Variants in SUGP1 observed in about 807,000 individuals in gnomAD.
The protein encoded by SUGP1 is SURP and G-patch domain-containing protein 1.
Under a neutral mutation model 76.5 loss-of-function variants are expected in SUGP1, and 34 were observed. That is an observed-to-expected ratio of 0.44 (90% CI 0.34 to 0.59). The LOEUF is 0.59. Ranked by LOEUF, SUGP1 falls within the 20% of genes least tolerant of loss-of-function variation. The probability of loss-of-function intolerance (pLI) is 0.01; values close to 1 mark genes in which losing one functional copy is unlikely to be tolerated. For missense variants in SUGP1, 752 were observed against 851.7 expected (o/e 0.88, Z 1.46); for synonymous variants, 326 against 326.2 (o/e 1.00, Z 0.01).
intron 3 of SUGP1, 140 bp from the exon 4 acceptor site, chr19:19,306,216 G>A: frequency 1.3e-6 from 1 of 741,196 alleles, no homozygotes; most frequent in Non-Finnish European, 2.1e-6. Context: ...AGGCCACCCT[G>A]ATTTTACAGA....
At chr19:19,316,294 C>A (rs1599874238) in intron 2 of SUGP1, 128 bp downstream of exon 2, 1 of 1,207,908 alleles carries the variant, frequency 8.3e-7, no homozygotes, top group East Asian at 2.5e-5. Flanking sequence ...GCATCTGGGT[C>A]ATTCCTTGGA....
chr19:19,305,442 GAC>G (rs1228727818), intron 4 of SUGP1, among the ~76,000 whole-genome samples: 1 of 152,228 alleles, frequency 6.6e-6, no homozygotes, highest in Admixed American at 6.5e-5. Flanking sequence ...AAACTCAGGG[GAC>G]AGGTAACCCA....
chr19:19,277,510 G>A (rs573702195), intron 12 of SUGP1, among the ~76,000 whole-genome samples: 4 of 152,300 alleles, frequency 2.6e-5, no homozygotes, highest in African/African-American at 9.6e-5. Context: ...CTGGCCTGGA[G>A]ATACTCATGA....
chr19:19,278,552 G>A, intron 11 of SUGP1, 138 bp downstream of exon 11: 1 of 679,532 alleles, frequency 1.5e-6, no homozygotes, highest in Non-Finnish European at 2.6e-6. Context: ...ATTAACAGAT[G>A]CCTCCTGCAG....
At chr19:19,277,104 G>A (rs2061056519) in intron 12 of SUGP1, 28 bp from the exon 13 acceptor site, 1 of 1,596,510 alleles carries the variant, frequency 6.3e-7, no homozygotes, top group African/African-American at 1.3e-5. Context: ...TGTGAGCAGG[G>A]ACCTGGGGCC....
intron 8 of SUGP1, among the ~76,000 whole-genome samples, chr19:19,285,564 TATTTA>T (rs1342663226): frequency 6.6e-6 from 1 of 152,116 alleles, no homozygotes; most frequent in Non-Finnish European, 1.5e-5. Context: ...AGAATTCATT[TATTTA>T]TTTCTGTTTG....
In SUGP1 at chr19:19,303,402, T is replaced by C. The variant is rs749876599; in HGVS notation, c.709A>G (p.Lys237Glu). Residue 237 changes from lysine to glutamate, a missense_variant, in exon 6 of 14, where the codon AAG (lysine) becomes GAG (glutamate). Coordinates refer to ENST00000247001, the MANE Select transcript of SUGP1 (RefSeq NM_172231.4). ...GCTTCCTTTCTTATCTCAGCCACCT[T>C]CTTCCTGTAGTAGAGGAATTCCCTG... ...NSREFLYYRK[K>E]VAEIRKEAQK... 1 of 1,614,202 alleles carries C rather than the reference T, an allele frequency of 6.2e-7. No homozygotes were observed. Among genetic ancestry groups the C allele is most frequent in the South Asian group, 1.1e-5 (1 of 91,082 alleles).
chr19:19,285,103 G>A (rs941595853), intron 8 of SUGP1, among the ~76,000 whole-genome samples: 1 of 151,826 alleles, frequency 6.6e-6, no homozygotes, highest in African/African-American at 2.4e-5. Flanking sequence ...TCCTGACCTC[G>A]TGATCCGCCC....
intron 7 of SUGP1, among the ~76,000 whole-genome samples, chr19:19,298,422 T>C (rs1212933492): frequency 6.6e-6 from 1 of 152,094 alleles, no homozygotes; most frequent in African/African-American, 2.4e-5. Flanking sequence ...CACGCGAACC[T>C]GGGAGGCGGA....
intron 9 of SUGP1, among the ~76,000 whole-genome samples, chr19:19,279,757 A>C (rs2061083211): frequency 6.6e-6 from 1 of 152,206 alleles, no homozygotes; most frequent in African/African-American, 2.4e-5. Flanking sequence ...ACACTGCCCA[A>C]CTACAACTGG....
intron 8 of SUGP1, among the ~76,000 whole-genome samples, chr19:19,287,207 G>A (rs1365833247): frequency 1.3e-5 from 2 of 152,088 alleles, no homozygotes; most frequent in Admixed American, 6.6e-5. Context: ...GAGCGCAGAG[G>A]CTGCAGTGAG....
intron 8 of SUGP1, among the ~76,000 whole-genome samples, chr19:19,293,092 T>C (rs2061198441): frequency 6.6e-6 from 1 of 151,750 alleles, no homozygotes; most frequent in Admixed American, 6.6e-5. Context: ...TTTTTTTTGG[T>C]AGAGACGGGG....
At chr19:19,318,276 C>T (rs1001529540) in intron 1 of SUGP1, among the ~76,000 whole-genome samples, 1 of 151,836 alleles carries the variant, frequency 6.6e-6, no homozygotes, top group Admixed American at 6.6e-5. Flanking sequence ...TGCCGCCATG[C>T]CTGGCTAATT....
At chr19:19,318,610 T>C (rs905759880) in intron 1 of SUGP1, among the ~76,000 whole-genome samples, 8 of 152,070 alleles carry the variant, frequency 5.3e-5, no homozygotes, top group African/African-American at 1.7e-4. Context: ...TTTTATTTTT[T>C]GTAGAGACAG....
chr19:19,280,063 T>A (rs1217758730), intron 9 of SUGP1, 122 bp downstream of exon 9: 1 of 967,844 alleles, frequency 1.0e-6, no homozygotes, highest in Non-Finnish European at 1.5e-6. Flanking sequence ...GGCCATGGGT[T>A]CCACCTGAAC....
Position 19,303,781 on chromosome 19 carries a change from CCTT to C in SUGP1, c.602_604del (p.Glu201del). 6.2e-7 allele frequency: 1 copy of C among 1,614,206 alleles called. No individual in the cohort carries two copies. The highest frequency in any genetic ancestry group is 8.5e-7 in the Non-Finnish European group (1 of 1,180,050). On this transcript the variant is annotated inframe_deletion, in exon 5 of 14. Transcript: ENST00000247001. ...AGCTACTTTTTCTAACTCGGGGCCT[CCTT>C]CTGCCACAAAGCGGGCCAATTTCTC...
In SUGP1 at chr19:19,303,389, A is replaced by T. The variant is rs780432892; in HGVS notation, c.722T>A (p.Ile241Lys). ...CTGCGACTTCTGTGCTTCCTTTCTT[A>T]TCTCAGCCACCTTCTTCCTGTAGTA... ...FLYYRKKVAE[I>K]RKEAQKSQAA... is the part of the protein sequence containing the mutation. Residue 241 changes from isoleucine (I) to lysine (K), a missense_variant, in exon 6 of 14, where the codon ATA (isoleucine) becomes AAA (lysine). By Grantham distance (102) the Ile-to-Lys change is moderately radical. This residue lies in a region of SUGP1 where 620 missense variants were observed against 617.3 expected (regional missense o/e 1.00). Transcript: ENST00000247001. 3 of 1,613,962 alleles carry T rather than the reference A, an allele frequency of 1.9e-6. No homozygotes were observed. In the Admixed American group the frequency reaches 5.0e-5, roughly 27 times the overall value.
In SUGP1 at chr19:19,303,382, C is replaced by T; in HGVS notation, c.729G>A (p.Lys243=). 6.2e-7 allele frequency: 1 copy of T among 1,614,166 alleles called. No individual in the cohort carries two copies. The change falls in exon 6 of 14, where the codon AAG becomes AAA. Residue 243 remains lysine (K), a synonymous_variant. Transcript: ENST00000247001. ...AGGCTGCCTGCGACTTCTGTGCTTC[C>T]TTTCTTATCTCAGCCACCTTCTTCC... The part of the protein sequence containing the change: ...YYRKKVAEIR[K]EAQKSQAASQ...
At chr19:19,306,742 C>G (rs1039436777) in intron 3 of SUGP1, among the ~76,000 whole-genome samples, 4 of 152,244 alleles carry the variant, frequency 2.6e-5, no homozygotes, top group African/African-American at 9.6e-5. Flanking sequence ...ACAGGGGTCC[C>G]ATTCCTTGCA....
Sources: gnomAD v4.1 joint callset for allele counts (sites outside exome capture counted in the v4.1 genomes callset) on GRCh38, gnomAD v4.1.1 for gene constraint, gnomAD v4.1.1 regional missense constraint, MANE v1.5 for transcripts, NCBI Gene and HGNC (gene_info 2026-07-23, HGNC 2026-07-21) for gene names.